LRRC37A2: variants seen among roughly 807,000 people sequenced by gnomAD.
The protein encoded by LRRC37A2 is leucine rich repeat containing 37 member A2.
A neutral mutation model predicts 68.8 loss-of-function variants in LRRC37A2; 9 were observed. The observed-to-expected ratio is 0.13, with a 90% CI of 0.08 to 0.23. The LOEUF is 0.23. LRRC37A2 is among the 10% of genes least tolerant of loss of function. The pLI is 1.00. For missense variants in LRRC37A2, 168 were observed against 950.4 expected, an observed-to-expected ratio of 0.18 and a Z score of 10.82; for synonymous variants, 63 against 367.6, an observed-to-expected ratio of 0.17 and a Z score of 9.48.
the LRRC37A2 span, among the ~76,000 whole-genome samples, chr17:46,908,008 G>T: frequency 2.1e-4 from 32 of 152,266 alleles, no homozygotes; most frequent in Admixed American, 9.8e-4. Flanking sequence ...AGAGCAGGCT[G>T]GGGGGCAGCT....
At chr17:46,783,872 A>G in the LRRC37A2 span, among the ~76,000 whole-genome samples, 2 of 152,348 alleles carry the variant, frequency 1.3e-5, no homozygotes, top group East Asian at 3.9e-4. Context: ...AGTGCCAGAC[A>G]TTATTCGGAC....
chr17:47,048,981 A>G, the LRRC37A2 span: 2 of 455,706 alleles, frequency 4.4e-6, no homozygotes, highest in African/African-American at 2.2e-5. Flanking sequence ...TCTATGTCAC[A>G]CTATGGAATG....
At chr17:46,516,273 A>AGCCT (rs1426681450) in intron 2 of LRRC37A2, among the ~76,000 whole-genome samples, 3 of 126,254 alleles carry the variant, frequency 2.4e-5, no homozygotes, top group Non-Finnish European at 3.6e-5. Context: ...ACTGCACTCC[A>AGCCT]GCCTGGGCGA....
At chr17:46,495,623 G>A in the LRRC37A2 span, among the ~76,000 whole-genome samples, 12,310 of 138,694 alleles carry the variant, frequency 0.089, 5 homozygotes, top group Non-Finnish European at 0.14. Context: ...GACCTCAGGT[G>A]ATTCGTCTGC....
the LRRC37A2 span, among the ~76,000 whole-genome samples, chr17:46,673,910 G>T: frequency 0.34 from 2,358 of 6,996 alleles, 1,006 homozygotes; most frequent in South Asian, 0.79. Context: ...ATTCCATGGG[G>T]GTGTGTGTGT....
intron 12 of LRRC37A2, chr17:46,554,306 A>G (rs1415847636): frequency 9.1e-6 from 1 of 109,458 alleles, no homozygotes; most frequent in Admixed American, 1.2e-4. Flanking sequence ...GCAGGCGTGT[A>G]ATCCCAGCTA....
the LRRC37A2 span, chr17:46,833,087 G>A: frequency 2.8e-6 from 1 of 355,604 alleles, no homozygotes; most frequent in Non-Finnish European, 5.5e-6. Context: ...ACACAGCCAG[G>A]AAAGAGCAAA....
the LRRC37A2 span, among the ~76,000 whole-genome samples, chr17:46,813,300 C>T: frequency 6.6e-6 from 1 of 151,670 alleles, no homozygotes; most frequent in South Asian, 2.1e-4. Context: ...GAGGCAGGGA[C>T]TTGAATGAAG....
the LRRC37A2 span, chr17:46,833,513 C>T: frequency 2.2e-6 from 1 of 449,232 alleles, no homozygotes; most frequent in Non-Finnish European, 4.5e-6. Flanking sequence ...CCTGACTTCT[C>T]TCTGAGCTTT....
chr17:46,878,216 C>T, the LRRC37A2 span, among the ~76,000 whole-genome samples: 77 of 152,258 alleles, frequency 5.1e-4, no homozygotes, highest in Admixed American at 3.8e-3. Flanking sequence ...ACTTTGCTGG[C>T]CCTGCCACGC....
At chr17:46,809,813 TCC>T in the LRRC37A2 span, among the ~76,000 whole-genome samples, 1 of 151,914 alleles carries the variant, frequency 6.6e-6, no homozygotes, top group Non-Finnish European at 1.5e-5. Context: ...CTGTGCCCTC[TCC>T]CAGGGGCTCT....
the LRRC37A2 span, among the ~76,000 whole-genome samples, chr17:46,778,311 A>G: frequency 6.6e-6 from 1 of 152,180 alleles, no homozygotes; most frequent in Non-Finnish European, 1.5e-5. Context: ...TGTGATCTGG[A>G]TGAGGGTTCA....
the LRRC37A2 span, among the ~76,000 whole-genome samples, chr17:46,759,592 C>T: frequency 2.6e-5 from 4 of 152,198 alleles, no homozygotes; most frequent in African/African-American, 7.2e-5. Context: ...AGCAGCAATG[C>T]GTAGCTGCAC....
the LRRC37A2 span, chr17:46,936,666 T>C: frequency 4.1e-6 from 4 of 984,964 alleles, no homozygotes; most frequent in East Asian, 4.5e-4. Context: ...TTTATGGTCA[T>C]TTTCAAGTGA....
At chr17:46,929,688 G>A in the LRRC37A2 span, 8 of 722,316 alleles carry the variant, frequency 1.1e-5, no homozygotes, top group East Asian at 1.6e-4. Context: ...ATGATTCAGC[G>A]TGGAATGAGT....
the LRRC37A2 span, chr17:47,019,368 A>G: frequency 2.5e-6 from 4 of 1,610,602 alleles, no homozygotes; most frequent in Non-Finnish European, 3.4e-6. Flanking sequence ...CCTGGAGCTT[A>G]CCATAACTAC....
At chr17:46,900,306 A>T in the LRRC37A2 span, among the ~76,000 whole-genome samples, 12 of 150,668 alleles carry the variant, frequency 8.0e-5, no homozygotes, top group Non-Finnish European at 1.5e-4. Flanking sequence ...GCTGGAGTGG[A>T]GTCGCATGAT....
At chr17:46,389,258 G>A in the LRRC37A2 span, among the ~76,000 whole-genome samples, 10 of 150,324 alleles carry the variant, frequency 6.7e-5, no homozygotes, top group Non-Finnish European at 1.0e-4. Context: ...ACAAAATCCA[G>A]CTATAATTTT....
the LRRC37A2 span, among the ~76,000 whole-genome samples, chr17:46,814,699 C>G: frequency 4.6e-5 from 7 of 152,240 alleles, no homozygotes; most frequent in Non-Finnish European, 1.0e-4. Context: ...GTGTTAACAC[C>G]TGGCCTGGGG....
Sources: gnomAD v4.1 joint callset for allele counts (sites outside exome capture counted in the v4.1 genomes callset) on GRCh38, gnomAD v4.1.1 for gene constraint, MANE v1.5 for transcripts, NCBI Gene and HGNC (gene_info 2026-07-23, HGNC 2026-07-21) for gene names.